EGLN1: variants seen among roughly 807,000 people sequenced by gnomAD.
EGLN1 encodes the protein egl-9 family hypoxia inducible factor 1, also known as egl nine homolog 1.
A neutral mutation model predicts 38.3 loss-of-function variants in EGLN1; 17 were observed. That is an observed-to-expected ratio of 0.44 (90% CI 0.30 to 0.67). The LOEUF is 0.67. Ranked by LOEUF, EGLN1 falls within the 30% of genes least tolerant of loss-of-function variation. EGLN1 has a pLI of 0.08. For missense variants in EGLN1, 477 were observed against 603.3 expected, an observed-to-expected ratio of 0.79 and a Z score of 2.19; for synonymous variants, 283 against 257.5, an observed-to-expected ratio of 1.10 and a Z score of -0.95.
intron 1 of EGLN1, among the ~76,000 whole-genome samples, chr1:231,388,048 C>T (rs1397757753): frequency 6.6e-6 from 1 of 152,166 alleles, no homozygotes; most frequent in Admixed American, 6.5e-5. Flanking sequence ...TTACAGATTG[C>T]TATACACTAT....
At chr1:231,375,447 T>C (rs1327057868) in intron 1 of EGLN1, among the ~76,000 whole-genome samples, 1 of 152,212 alleles carries the variant, frequency 6.6e-6, no homozygotes, top group Middle Eastern at 3.2e-3. Context: ...ACCGAATTGT[T>C]CTACTATCAT....
chr1:231,376,571 T>C (rs995248531), intron 1 of EGLN1, among the ~76,000 whole-genome samples: 6 of 152,196 alleles, frequency 3.9e-5, no homozygotes, highest in African/African-American at 1.4e-4. Context: ...GATTTGGTAC[T>C]ATCCACAGTT....
Position 231,422,020 on chromosome 1 carries a change from G to C in EGLN1, c.-132C>G. 1 of 1,010,168 alleles carries C rather than the reference G, an allele frequency of 9.9e-7. No homozygotes were observed. Among genetic ancestry groups the C allele is most frequent in the Non-Finnish European group, 1.3e-6 (1 of 770,840 alleles). The allele number at this position is 1,010,168 out of a possible 1,614,324, so 62.6% of individuals were successfully genotyped here. Reference sequence around the variant, plus strand: ...ACTGCGCCATGCACCCGCTACCCTCGCCTCAGGGAGGCCGGCACCCCACGC... The same window carrying C: ...ACTGCGCCATGCACCCGCTACCCTCCCCTCAGGGAGGCCGGCACCCCACGC... On this transcript the variant is annotated 5_prime_UTR_variant, in exon 1 of 5. Transcript: ENST00000366641.
intron 1 of EGLN1, among the ~76,000 whole-genome samples, chr1:231,388,585 C>T (rs1464598679): frequency 1.3e-5 from 2 of 151,732 alleles, no homozygotes; most frequent in South Asian, 2.1e-4. Flanking sequence ...AATTCCCCTG[C>T]CGCAGCCTCC....
intron 3 of EGLN1, chr1:231,369,616 C>G (rs1414902188): frequency 1.0e-6 from 1 of 984,198 alleles, no homozygotes; most frequent in Non-Finnish European, 1.2e-6. Context: ...AATTAGGATG[C>G]AGGCAACACA....
Position 231,417,060 on chromosome 1 carries a change from G to A in EGLN1, c.891+3938C>T, listed in dbSNP as rs545360238. Among the ~76,000 whole-genome samples the A allele has an allele frequency of 2.0e-5, 3 of 152,292 alleles. No individual in the cohort carries two copies. In the South Asian group the frequency reaches 6.2e-4, roughly 32 times the overall value. ...CTACAAGCTGAAAGTCTGAGATCAG[G>A]ATGCCAGCATGGTCTGGTACTGATG... On this transcript the variant is annotated intron_variant, in intron 1 of 4. Coordinates refer to ENST00000366641, the MANE Select transcript of EGLN1 (RefSeq NM_022051.3).
chr1:231,421,871 G>T lies in EGLN1; in HGVS notation c.18C>A (p.Gly6=). ...CGCTCGGGCTCGGCCCGCCGGGCCC[G>T]CCGCTGTCATTGGCCATGGCGGCGG... MANDS[G]GPGGPSPSER... Residue 6 remains glycine (G), a synonymous_variant, in exon 1 of 5, where the codon GGC becomes GGA. Coordinates refer to ENST00000366641, the MANE Select transcript of EGLN1 (RefSeq NM_022051.3). This position sits in a 1 kb window ranked among gnomAD's most constrained non-coding sequence, Gnocchi z 5.5. The T allele has an allele frequency of 4.0e-6, 6 of 1,499,306 alleles. No individual in the cohort carries two copies. Among genetic ancestry groups the T allele is most frequent in the Non-Finnish European group, 5.3e-6 (6 of 1,133,268 alleles). The allele number at this position is 1,499,306 out of a possible 1,614,324, so 92.9% of individuals were successfully genotyped here.
intron 1 of EGLN1, among the ~76,000 whole-genome samples, chr1:231,402,437 C>CTT (rs1392880050): frequency 7.1e-6 from 1 of 140,466 alleles, no homozygotes; most frequent in Non-Finnish European, 1.6e-5. Flanking sequence ...TTAGGTCTTA[C>CTT]TTTTTTTTTT....
chr1:231,388,985 G>C (rs1688302531), intron 1 of EGLN1, among the ~76,000 whole-genome samples: 1 of 152,012 alleles, frequency 6.6e-6, no homozygotes, highest in South Asian at 2.1e-4. Flanking sequence ...CAATGATTTT[G>C]AGTCACACAA....
chr1:231,375,537 T>C (rs1687937307), intron 1 of EGLN1, among the ~76,000 whole-genome samples: 2 of 152,232 alleles, frequency 1.3e-5, no homozygotes, highest in South Asian at 4.1e-4. Context: ...TAAATCCTTA[T>C]TTAAAAATCC....
chr1:231,415,730 C>G (rs933285682), intron 1 of EGLN1, among the ~76,000 whole-genome samples: 1 of 152,172 alleles, frequency 6.6e-6, no homozygotes, highest in African/African-American at 2.4e-5. Flanking sequence ...CACTGAACAC[C>G]ATTTTATAAA....
intron 1 of EGLN1, among the ~76,000 whole-genome samples, chr1:231,390,627 C>G (rs1198001928): frequency 6.6e-6 from 1 of 152,188 alleles, no homozygotes; most frequent in Non-Finnish European, 1.5e-5. Flanking sequence ...ATCTTTGCAG[C>G]TAACCACATG....
intron 1 of EGLN1, among the ~76,000 whole-genome samples, chr1:231,411,251 A>G (rs1688935193): frequency 2.0e-5 from 3 of 152,120 alleles, no homozygotes; most frequent in Admixed American, 6.5e-5. Context: ...AAAGTGTTTG[A>G]CAATTCTCCC....
At chr1:231,391,818 T>C (rs1328655479) in intron 1 of EGLN1, among the ~76,000 whole-genome samples, 1 of 152,076 alleles carries the variant, frequency 6.6e-6, no homozygotes, top group Non-Finnish European at 1.5e-5. Flanking sequence ...GAAACTATTA[T>C]TACAAAGACT....
In EGLN1 at chr1:231,396,936, C is replaced by T. The variant is rs1350056402; in HGVS notation, c.892-22837G>A. ...TCTCTAATCTGTATAACTCTCTCTA[C>T]CTCCAATACCTACATCTTAAAAGAA... On this transcript the variant is annotated intron_variant, in intron 1 of 4. Coordinates refer to ENST00000366641, the MANE Select transcript of EGLN1 (RefSeq NM_022051.3). Among the ~76,000 whole-genome samples, 3 of 152,260 alleles carry T rather than the reference C, an allele frequency of 2.0e-5. No homozygotes were observed. The East Asian group carries it at 5.8e-4, about 29-fold the overall frequency.
intron 1 of EGLN1, among the ~76,000 whole-genome samples, chr1:231,417,367 T>C (rs1382269229): frequency 1.3e-5 from 2 of 152,210 alleles, no homozygotes; most frequent in East Asian, 3.9e-4. Flanking sequence ...GTTATGTATA[T>C]GATTCTAGTA....
At chr1:231,385,827 T>C (rs1426127447) in intron 1 of EGLN1, among the ~76,000 whole-genome samples, 1 of 152,208 alleles carries the variant, frequency 6.6e-6, no homozygotes, top group Non-Finnish European at 1.5e-5. Context: ...ATTCAGTAAC[T>C]GCAATAAAAA....
At chr1:231,384,405 G>GA (rs34736172) in intron 1 of EGLN1, among the ~76,000 whole-genome samples, 74,669 of 145,000 alleles carry the variant, frequency 0.51, 20,782 homozygotes, top group Middle Eastern at 0.64. Context: ...GCATTACGAA[G>GA]AAAAAAAAAA....
At chr1:231,385,904 G>T (rs369931139) in intron 1 of EGLN1, among the ~76,000 whole-genome samples, 102 of 152,236 alleles carry the variant, frequency 6.7e-4, no homozygotes, top group African/African-American at 2.3e-3. Flanking sequence ...TTGCTGGAGT[G>T]CAGTGGCGTG....
Sources: gnomAD v4.1 joint callset for allele counts (sites outside exome capture counted in the v4.1 genomes callset) on GRCh38, gnomAD v4.1.1 for gene constraint, Gnocchi (gnomAD v3.1) non-coding constraint, MANE v1.5 for transcripts, NCBI Gene and HGNC (gene_info 2026-07-23, HGNC 2026-07-21) for gene names.